Variants in RBBP8NL observed in about 807,000 individuals in gnomAD.
The protein encoded by RBBP8NL is RBBP8 N-terminal like.
A neutral mutation model predicts 62.2 loss-of-function variants in RBBP8NL; 59 were observed. The observed-to-expected ratio is 0.95, with a 90% CI of 0.77 to 1.18. RBBP8NL has a LOEUF of 1.18. RBBP8NL is among the 50% of genes most tolerant of loss of function. The pLI is 0.00. For synonymous variants in RBBP8NL, 412 were observed against 394.1 expected, an observed-to-expected ratio of 1.05 and a Z score of -0.54; for missense variants, 896 against 899.5, an observed-to-expected ratio of 1.00 and a Z score of 0.05.
Position 62,412,765 on chromosome 20 carries a change from G to A in RBBP8NL, c.1747-12C>T. ...GAGCTCAGGCCCACCTGGGGAGAAGGGGGTGTGGTCACGAGGAGGACTGCC... is the reference window on the plus strand; with the variant it reads ...GAGCTCAGGCCCACCTGGGGAGAAGAGGGTGTGGTCACGAGGAGGACTGCC... On this transcript the variant is annotated splice_polypyrimidine_tract_variant and intron_variant, in intron 12 of 13. Coordinates refer to ENST00000252998, the MANE Select transcript of RBBP8NL (RefSeq NM_080833.3). 1 of 1,612,806 alleles carries A rather than the reference G, an allele frequency of 6.2e-7. No homozygotes were observed. Among genetic ancestry groups the A allele is most frequent in the South Asian group, 1.1e-5 (1 of 91,080 alleles).
Position 62,410,928 on chromosome 20 carries a change from C to G in RBBP8NL, c.1945G>C (p.Ala649Pro). The change falls in exon 14 of 14, where the codon GCC becomes CCC. Residue 649 changes from alanine (A) to proline (P), a missense_variant. By Grantham distance (27) the Ala-to-Pro change is conservative. Transcript: ENST00000252998. ...ATEGPGSPRD[A>P]EDHSPSPNSS... ...TTGGGGGAGGGACTGTGGTCCTCGG[C>G]GTCCCTTGGGCTCCCGGGCCCCTCA... 2.5e-6 allele frequency: 4 copies of G among 1,613,608 alleles called. No individual in the cohort carries two copies. Among genetic ancestry groups the G allele is most frequent in the Non-Finnish European group, 3.4e-6 (4 of 1,179,892 alleles).
chr20:62,415,735 TC>T, intron 7 of RBBP8NL, 52 bp downstream of exon 7: 1 of 1,608,236 alleles, frequency 6.2e-7, no homozygotes, highest in Non-Finnish European at 8.5e-7. Context: ...AGGGGGAGGA[TC>T]CCTGGTCCTG....
intron 5 of RBBP8NL, 135 bp from the exon 6 acceptor site, chr20:62,416,371 C>T (rs1310601805): frequency 4.3e-5 from 33 of 769,550 alleles, no homozygotes; most frequent in Middle Eastern, 3.6e-4. Context: ...GCAGCAGGGG[C>T]GCCGTGGATG....
intron 1 of RBBP8NL, among the ~76,000 whole-genome samples, chr20:62,423,989 G>A (rs1255333631): frequency 2.6e-5 from 4 of 151,940 alleles, no homozygotes; most frequent in African/African-American, 2.4e-5. Context: ...CTGGGGCTGG[G>A]GGAACTCGGA....
intron 1 of RBBP8NL, among the ~76,000 whole-genome samples, chr20:62,424,544 C>T (rs190790395): frequency 4.6e-5 from 7 of 152,248 alleles, no homozygotes; most frequent in Admixed American, 3.9e-4. Flanking sequence ...AACCAAGGGG[C>T]GACGTGCTGC....
intron 13 of RBBP8NL, 99 bp from the exon 14 acceptor site, chr20:62,411,095 G>T: frequency 1.3e-6 from 1 of 761,908 alleles, no homozygotes; most frequent in Admixed American, 2.2e-5. Context: ...CTGGGCACGG[G>T]GAGCTGGGTG....
Position 62,415,304 on chromosome 20 carries a change from G to A in RBBP8NL, c.628-17C>T. On this transcript the variant is annotated splice_polypyrimidine_tract_variant and intron_variant, in intron 8 of 13. Coordinates refer to ENST00000252998, the MANE Select transcript of RBBP8NL (RefSeq NM_080833.3). Reference sequence around the variant, plus strand: ...CTGGGGGCTCTGTGAGGATGGGTGGGTCAGCCTGGGCGGGGGCATGCGTGG... The same window carrying A: ...CTGGGGGCTCTGTGAGGATGGGTGGATCAGCCTGGGCGGGGGCATGCGTGG... 3 of 1,562,184 alleles carry A rather than the reference G, an allele frequency of 1.9e-6. No individual in the cohort carries two copies. The highest frequency in any genetic ancestry group is 2.6e-6 in the Non-Finnish European group (3 of 1,162,410).
Position 62,410,783 on chromosome 20 carries a change from G to T in RBBP8NL, c.*95C>A. 1 of 832,094 alleles carries T rather than the reference G, an allele frequency of 1.2e-6. No homozygotes were observed. The highest frequency in any genetic ancestry group is 1.5e-5 in the South Asian group (1 of 65,060). 51.5% of individuals were successfully genotyped at this position (832,094 alleles called of 1,614,324 possible). A position where few individuals can be genotyped will look rare whatever the true frequency, so the allele number is the denominator to read the frequency against. On this transcript the variant is annotated 3_prime_UTR_variant, in exon 14 of 14. Coordinates refer to ENST00000252998, the MANE Select transcript of RBBP8NL (RefSeq NM_080833.3). ...AGGTCTTCTCCCAGGGTTCTGTGCA[G>T]GGCTGCCTGCTGGTTGGATGGTGTG...
At chr20:62,421,640 C>T (rs1294039100) in intron 1 of RBBP8NL, among the ~76,000 whole-genome samples, 2 of 137,076 alleles carry the variant, frequency 1.5e-5, no homozygotes, top group African/African-American at 5.6e-5. Flanking sequence ...GTGTGTGTGC[C>T]AGAGCCAGTG....
At position 62,414,426 on chromosome 20, in the gene RBBP8NL, C is replaced by T. The variant is rs780939981; in HGVS notation, c.925G>A (p.Ala309Thr). ...GGGTCGCTGGGGGCTGCAGCAGGGG[C>T]CAGGGGGCTGCTGTGGGGGCTCTGA... is the stretch of plus-strand genomic sequence containing the variant. ...HLQSPHSSPL[A>T]PAAAPSDPRL... The change falls in exon 10 of 14, where the codon GCC (alanine) becomes ACC (threonine). Residue 309 changes from alanine to threonine, a missense_variant. Ala to Thr is a moderately conservative substitution (Grantham distance 58, BLOSUM62 0). Coordinates refer to ENST00000252998, the MANE Select transcript of RBBP8NL (RefSeq NM_080833.3). 2.0e-6 allele frequency: 3 copies of T among 1,523,520 alleles called. No individual in the cohort carries two copies. The highest frequency in any genetic ancestry group is 2.1e-5 in the Admixed American group (1 of 48,286). The allele number at this position is 1,523,520 out of a possible 1,614,324, so 94.4% of individuals were successfully genotyped here. A position where few individuals can be genotyped will look rare whatever the true frequency, so the allele number is the denominator to read the frequency against.
intron 10 of RBBP8NL, 51 bp downstream of exon 10, chr20:62,413,769 TG>T: frequency 1.3e-6 from 2 of 1,515,984 alleles, no homozygotes; most frequent in Non-Finnish European, 1.8e-6. Flanking sequence ...CGGCCCGGGG[TG>T]GGGGACGTGG....
chr20:62,419,669 G>A lies in RBBP8NL; in HGVS notation c.-22C>T, dbSNP rs199573629. 2,334 of 1,612,006 alleles carry A rather than the reference G, an allele frequency of 1.4e-3. 2 individuals carry two copies. The highest frequency in any genetic ancestry group is 1.7e-3 in the African/African-American group (126 of 75,040). The stretch of plus-strand genomic sequence containing the variant: ...CCATGGCTCCCTGTGGCCCTGGCCC[G>A]GGCCCCTCTGCGCTGGGGTTGTGGA... On this transcript the variant is annotated 5_prime_UTR_variant, in exon 2 of 14. Coordinates refer to ENST00000252998, the MANE Select transcript of RBBP8NL (RefSeq NM_080833.3).
At chr20:62,418,073 C>T (rs562623962) in intron 3 of RBBP8NL, among the ~76,000 whole-genome samples, 1 of 152,348 alleles carries the variant, frequency 6.6e-6, no homozygotes, top group East Asian at 1.9e-4. Flanking sequence ...ATAGCCGGGT[C>T]TATAAGCCAG....
Position 62,410,582 on chromosome 20 carries a change from T to G in RBBP8NL, c.*296A>C. ...ATTTCCCAGGTGGGTGGAGACGGGG[T>G]GAATCGCCAGCCTGAGACCCCTCTC... On this transcript the variant is annotated 3_prime_UTR_variant, in exon 14 of 14. Transcript: ENST00000252998. The G allele has an allele frequency of 4.8e-6, 2 of 420,464 alleles. No individual in the cohort carries two copies. The highest frequency in any genetic ancestry group is 8.5e-6 in the Non-Finnish European group (2 of 235,314). The allele number at this position is 420,464 out of a possible 1,614,324, so 26.0% of individuals were successfully genotyped here.
chr20:62,416,748 G>T lies in RBBP8NL; in HGVS notation c.313+12C>A. On this transcript the variant is annotated intron_variant, in intron 5 of 13. Transcript: ENST00000252998. Reference sequence around the variant, plus strand: ...GGGAGAGGACCCCGGTTGTCTGGTGGGTGGGGCTCACTGAGGATGAAGATG... The same window carrying T: ...GGGAGAGGACCCCGGTTGTCTGGTGTGTGGGGCTCACTGAGGATGAAGATG... The T allele has an allele frequency of 1.9e-6, 3 of 1,557,522 alleles. No individual in the cohort carries two copies. The highest frequency in any genetic ancestry group is 2.6e-6 in the Non-Finnish European group (3 of 1,144,550).
chr20:62,417,352 T>C, intron 3 of RBBP8NL, 33 bp from the exon 4 acceptor site: 1 of 1,506,922 alleles, frequency 6.6e-7, no homozygotes, highest in South Asian at 1.2e-5. Flanking sequence ...TGGGGTCCTG[T>C]TCCATCCAGG....
Position 62,415,277 on chromosome 20 carries a change from C to G in RBBP8NL, c.638G>C (p.Arg213Pro), listed in dbSNP as rs770795292. Residue 213 changes from arginine to proline, a missense_variant, in exon 9 of 14, where the codon CGC (arginine) becomes CCC (proline). By Grantham distance (103) the Arg-to-Pro change is moderately radical. Coordinates refer to ENST00000252998, the MANE Select transcript of RBBP8NL (RefSeq NM_080833.3). ...ESRAPDMSPQRISNQLHGTIA... is the reference protein window; with the variant it reads ...ESRAPDMSPQPISNQLHGTIA... ...GGTCCCGTGCAGCTGGTTGGAGATG[C>G]GCTGGGGGCTCTGTGAGGATGGGTG... 4 of 1,571,322 alleles carry G rather than the reference C, an allele frequency of 2.5e-6. No individual in the cohort carries two copies. Among genetic ancestry groups the G allele is most frequent in the Non-Finnish European group, 3.4e-6 (4 of 1,166,126 alleles).
intron 9 of RBBP8NL, among the ~76,000 whole-genome samples, chr20:62,414,860 C>T (rs1988526138): frequency 6.6e-6 from 1 of 152,214 alleles, no homozygotes; most frequent in Admixed American, 6.5e-5. Flanking sequence ...TGCTCCTCAC[C>T]TGGAGGGTCC....
chr20:62,420,350 GCACACACACACACACACACA>G lies in RBBP8NL; in HGVS notation c.-83-640_-83-621del, dbSNP rs55946617. On this transcript the variant is annotated intron_variant, in intron 1 of 13. Coordinates refer to ENST00000252998, the MANE Select transcript of RBBP8NL (RefSeq NM_080833.3). ...TGGCAGCTTCAATCCTGTCCCACAG[GCACACACACACACACACACA>G]CACACACACACACACACACACACAG... Among the ~76,000 whole-genome samples, 360 of 129,848 alleles carry G rather than the reference GCACACACACACACACACACA, an allele frequency of 2.8e-3. 2 individuals carry two copies. The highest frequency in any genetic ancestry group is 1.0e-2 in the African/African-American group (338 of 33,910). 85.2% of individuals were successfully genotyped at this position (129,848 alleles called of 152,430 possible).
Sources: allele counts gnomAD v4.1 joint callset (sites outside exome capture counted in the v4.1 genomes callset), GRCh38; gene constraint gnomAD v4.1.1; transcripts MANE v1.5; gene names NCBI Gene and HGNC (gene_info 2026-07-23, HGNC 2026-07-21).